The following PARD3 variants were observed in gnomAD, a reference collection of about 807,000 sequenced individuals.
PARD3 encodes the protein partitioning defective 3 homolog.
Under a neutral mutation model 155.4 loss-of-function variants are expected in PARD3, and 75 were observed. The ratio of observed to expected loss-of-function variants is 0.48; its 90% CI spans 0.40 to 0.58. PARD3 has a LOEUF of 0.58. Among genes scored for constraint, PARD3 ranks in the 20% least tolerant of loss-of-function variants. PARD3 has a pLI of 0.00. For synonymous variants in PARD3, 576 were observed against 610.5 expected (o/e 0.94, Z 0.83); for missense variants, 1,642 against 1,721.7 (o/e 0.95, Z 0.82).
At chr10:34,443,910 G>A (rs938934864) in intron 5 of PARD3, among the ~76,000 whole-genome samples, 1 of 152,184 alleles carries the variant, frequency 6.6e-6, no homozygotes, top group Non-Finnish European at 1.5e-5. Flanking sequence ...TTTGAGACTT[G>A]ACACTGGATG....
At chr10:34,410,451 C>T (rs936351776) in intron 5 of PARD3, among the ~76,000 whole-genome samples, 1 of 152,074 alleles carries the variant, frequency 6.6e-6, no homozygotes, top group South Asian at 2.1e-4. Context: ...TCACAATTCA[C>T]TCATCAAAGA....
At chr10:34,130,091 C>T (rs1261771532) in intron 23 of PARD3, among the ~76,000 whole-genome samples, 1 of 152,192 alleles carries the variant, frequency 6.6e-6, no homozygotes, top group Non-Finnish European at 1.5e-5. Context: ...CTCCGCTCTA[C>T]TTCTGTAACT....
chr10:34,616,206 A>G (rs1448461268), intron 2 of PARD3, among the ~76,000 whole-genome samples: 1 of 152,110 alleles, frequency 6.6e-6, no homozygotes, highest in African/African-American at 2.4e-5. Flanking sequence ...ACTCCCAGCT[A>G]CTTGGGAGGC....
rs1946357494 is a variant in PARD3 at position 34,111,030 on chromosome 10, T to C, written c.*139A>G. 5 of 904,510 alleles carry C rather than the reference T, an allele frequency of 5.5e-6. No homozygotes were observed. The South Asian group carries it at 1.0e-4, about 19-fold the overall frequency. 56.0% of individuals were successfully genotyped at this position (904,510 alleles called of 1,614,324 possible). A position where few individuals can be genotyped will look rare whatever the true frequency, so the allele number is the denominator to read the frequency against. On this transcript the variant is annotated 3_prime_UTR_variant, in exon 25 of 25. Coordinates refer to ENST00000374788, the MANE Select transcript of PARD3 (RefSeq NM_001184785.2). ...CATTAAGGCCTTCCATTTCTTTGCC[T>C]ACACCGCTTAAAGGCACTGATACCA...
chr10:34,146,123 T>C (rs1948493578), intron 22 of PARD3, among the ~76,000 whole-genome samples: 1 of 152,202 alleles, frequency 6.6e-6, no homozygotes, highest in Non-Finnish European at 1.5e-5. Flanking sequence ...TTTCTATATC[T>C]CATTCTGTTT....
In PARD3 at chr10:34,111,249, C is replaced by T. The variant is rs978603993; in HGVS notation, c.3982G>A (p.Asp1328Asn). 7 of 1,612,682 alleles carry T rather than the reference C, an allele frequency of 4.3e-6. No individual in the cohort carries two copies. Among genetic ancestry groups the T allele is most frequent in the Non-Finnish European group, 5.9e-6 (7 of 1,178,954 alleles). ...YAPPKGPFRQ[D>N]VPPSPSQVAR... is the part of the protein sequence containing the mutation. ...ACCTGAGAAGGGGAGGGGGGCACAT[C>T]TTGCCGGAAGGGCCCCTTGGGAGGG... Residue 1328 changes from aspartate (D) to asparagine (N), a missense_variant, in exon 25 of 25, where the codon GAT (aspartate) becomes AAT (asparagine). Transcript: ENST00000374788.
At chr10:34,790,618 T>C (rs1165530616) in intron 1 of PARD3, among the ~76,000 whole-genome samples, 1 of 152,238 alleles carries the variant, frequency 6.6e-6, no homozygotes, top group Non-Finnish European at 1.5e-5. Flanking sequence ...GAGTATTCTC[T>C]TTAAAATGAA....
At chr10:34,268,852 C>T (rs1478272003) in intron 22 of PARD3, among the ~76,000 whole-genome samples, 6 of 152,156 alleles carry the variant, frequency 3.9e-5, no homozygotes, top group South Asian at 2.1e-4. Context: ...GGGTGCAGCA[C>T]GCCAACATGG....
intron 5 of PARD3, among the ~76,000 whole-genome samples, chr10:34,409,882 G>A (rs2132287805): frequency 6.6e-6 from 1 of 152,228 alleles, no homozygotes; most frequent in East Asian, 1.9e-4. Context: ...TATTAAACAT[G>A]TTATATTTGA....
chr10:34,455,762 A>G (rs1037659203), intron 4 of PARD3, among the ~76,000 whole-genome samples: 1 of 152,182 alleles, frequency 6.6e-6, no homozygotes, highest in Non-Finnish European at 1.5e-5. Flanking sequence ...TTTATTCCAA[A>G]CACAGTATTC....
chr10:34,623,769 C>T (rs113229473), intron 2 of PARD3, among the ~76,000 whole-genome samples: 21,250 of 149,846 alleles, frequency 0.14, 4,771 homozygotes, highest in African/African-American at 0.48. Flanking sequence ...ATCACGAGGT[C>T]AGGAGATCGA....
chr10:34,141,293 T>C (rs1245673606), intron 22 of PARD3, among the ~76,000 whole-genome samples: 3 of 152,216 alleles, frequency 2.0e-5, no homozygotes, highest in African/African-American at 4.8e-5. Context: ...AAAAGAATTA[T>C]GAGAAACTCA....
At chr10:34,581,392 G>A (rs375478760) in intron 2 of PARD3, among the ~76,000 whole-genome samples, 24 of 151,696 alleles carry the variant, frequency 1.6e-4, no homozygotes, top group Admixed American at 5.9e-4. Context: ...CTGCCACTGC[G>A]CCCGGCTAAT....
At chr10:34,667,218 C>A (rs1326642343) in intron 2 of PARD3, among the ~76,000 whole-genome samples, 1 of 152,148 alleles carries the variant, frequency 6.6e-6, no homozygotes, top group Non-Finnish European at 1.5e-5. Flanking sequence ...AATCCAAGAA[C>A]AAAATCCAAA....
chr10:34,245,087 C>T (rs1039878028), intron 22 of PARD3, among the ~76,000 whole-genome samples: 3 of 152,092 alleles, frequency 2.0e-5, no homozygotes, highest in African/African-American at 7.2e-5. Context: ...AAAAGTGGAG[C>T]GGATACAGAT....
intron 2 of PARD3, among the ~76,000 whole-genome samples, chr10:34,587,942 C>A (rs1458445288): frequency 6.6e-6 from 1 of 152,134 alleles, no homozygotes; most frequent in Non-Finnish European, 1.5e-5. Context: ...TCTTGCTCTG[C>A]GGTGACCAGT....
intron 22 of PARD3, among the ~76,000 whole-genome samples, chr10:34,228,542 G>C (rs1004638946): frequency 1.3e-5 from 2 of 152,074 alleles, no homozygotes; most frequent in African/African-American, 4.8e-5. Context: ...GATTTTTGTG[G>C]ATAGAAATGT....
chr10:34,340,687 G>A (rs1836713787), intron 16 of PARD3, among the ~76,000 whole-genome samples: 1 of 152,102 alleles, frequency 6.6e-6, no homozygotes, highest in Non-Finnish European at 1.5e-5. Context: ...AGAGGATTGG[G>A]GGAGTGGTTC....
intron 2 of PARD3, among the ~76,000 whole-genome samples, chr10:34,653,586 A>T (rs1301796168): frequency 6.6e-6 from 1 of 152,182 alleles, no homozygotes; most frequent in Non-Finnish European, 1.5e-5. Context: ...CAAGGTAAAG[A>T]GGAAAAGACT....
Sources: gnomAD v4.1 joint callset for allele counts (sites outside exome capture counted in the v4.1 genomes callset) on GRCh38, gnomAD v4.1.1 for gene constraint, MANE v1.5 for transcripts, NCBI Gene and HGNC (gene_info 2026-07-23, HGNC 2026-07-21) for gene names.